The following CELF3 variants were observed in gnomAD, a reference collection of about 807,000 sequenced individuals.
CELF3 encodes the protein CUGBP Elav-like family member 3.
Under a neutral mutation model 59.6 loss-of-function variants are expected in CELF3, and 26 were observed. The observed-to-expected ratio is 0.44, with a 90% CI of 0.32 to 0.61. CELF3 has a LOEUF of 0.61. Ranked by LOEUF, CELF3 falls within the 20% of genes least tolerant of loss-of-function variation. The probability of loss-of-function intolerance (pLI) is 0.06; values close to 1 mark genes in which losing one functional copy is unlikely to be tolerated. For synonymous variants in CELF3, 245 were observed against 250.7 expected (o/e 0.98, Z 0.22); for missense variants, 387 against 627.2 (o/e 0.62, Z 4.09).
Position 151,716,488 on chromosome 1 carries a change from G to C in CELF3, c.-468C>G. ...TGGTTGCCAGCAGCGTCAGTAAGGG[G>C]GGCCCACTCCTGATGTGGGGCAGGT... On this transcript the variant is annotated 5_prime_UTR_variant, in exon 1 of 13. Coordinates refer to ENST00000290583, the MANE Select transcript of CELF3 (RefSeq NM_007185.7). 1 of 311,870 alleles carries C rather than the reference G, an allele frequency of 3.2e-6. No homozygotes were observed. The highest frequency in any genetic ancestry group is 6.4e-6 in the Non-Finnish European group (1 of 156,558). The allele number at this position is 311,870 out of a possible 1,614,324, so 19.3% of individuals were successfully genotyped here.
intron 2 of CELF3, chr1:151,710,860 A>G (rs774305693): frequency 2.0e-5 from 9 of 456,436 alleles, no homozygotes; most frequent in South Asian, 1.4e-4. Flanking sequence ...TTTCTTAACC[A>G]GGGTGGGGAG....
At position 151,706,372 on chromosome 1, in the gene CELF3, G is replaced by A. The variant is rs1672539200; in HGVS notation, c.989-11C>T. On this transcript the variant is annotated splice_polypyrimidine_tract_variant and intron_variant, in intron 9 of 12. Transcript: ENST00000290583. ...CTGCTGGGTAGGCTGCTGGGGTGGGGAGAAGAGAGAGGCTGATGGGGCTTC... is the reference window on the plus strand; with the variant it reads ...CTGCTGGGTAGGCTGCTGGGGTGGGAAGAAGAGAGAGGCTGATGGGGCTTC... 11 of 1,540,572 alleles carry A rather than the reference G, an allele frequency of 7.1e-6. No individual in the cohort carries two copies. Among genetic ancestry groups the A allele is most frequent in the Non-Finnish European group, 9.6e-6 (11 of 1,140,780 alleles).
At chr1:151,706,542 G>T (rs1200035681) in intron 9 of CELF3, 127 bp downstream of exon 9, 2 of 1,231,932 alleles carry the variant, frequency 1.6e-6, no homozygotes, top group Non-Finnish European at 2.3e-6. Flanking sequence ...CCCCACAGTT[G>T]GGCTTGTCAG....
intron 9 of CELF3, 120 bp downstream of exon 9, chr1:151,706,549 T>C: frequency 1.6e-6 from 2 of 1,270,520 alleles, no homozygotes; most frequent in South Asian, 2.6e-5. Context: ...GTTGGGCTTG[T>C]CAGTAAAGCC....
rs1303582617 is a variant in CELF3, at chr1:151,707,813, G to A, written c.609C>T (p.Ala203=). 1 of 1,613,748 alleles carries A rather than the reference G, an allele frequency of 6.2e-7. No individual in the cohort carries two copies. Among genetic ancestry groups the A allele is most frequent in the Non-Finnish European group, 8.5e-7 (1 of 1,179,706 alleles). ...MFSPIALQFG[A]YSAYTQALMQ... Reference sequence around the variant, plus strand: ...TCACGGCCTGGGTGTAGGCGCTGTAGGCTCCAAACTGGAGGGCGATGGGGC... The same window carrying A: ...TCACGGCCTGGGTGTAGGCGCTGTAAGCTCCAAACTGGAGGGCGATGGGGC... The change falls in exon 6 of 13, where the codon GCC becomes GCT. Residue 203 remains alanine, a synonymous_variant. Transcript: ENST00000290583.
rs761309823 is a variant in CELF3 at position 151,707,562 on chromosome 1, G to A, written c.717C>T (p.His239=). Reference sequence around the variant, plus strand: ...GGCCATTGGCATTGATGGCAGCCATGTGCTGCATCTGCACGGCAGCCATGG... The same window carrying A: ...GGCCATTGGCATTGATGGCAGCCATATGCTGCATCTGCACGGCAGCCATGG... The part of the protein sequence containing the change: ...MATMAAVQMQ[H]MAAINANGLI... The change falls in exon 7 of 13, where the codon CAC becomes CAT. Residue 239 remains histidine (H), a synonymous_variant. Coordinates refer to ENST00000290583, the MANE Select transcript of CELF3 (RefSeq NM_007185.7). 1 of 1,610,512 alleles carries A rather than the reference G, an allele frequency of 6.2e-7. No homozygotes were observed. Among genetic ancestry groups the A allele is most frequent in the Non-Finnish European group, 8.5e-7 (1 of 1,179,530 alleles).
rs567755304 is a variant in CELF3, at chr1:151,702,893, C to A, written c.*566G>T. 5.5e-5 allele frequency: 16 copies of A among 288,702 alleles called. No homozygotes were observed. The highest frequency in any genetic ancestry group is 1.4e-3 in the Middle Eastern group (1 of 732). The allele number at this position is 288,702 out of a possible 1,614,324, so 17.9% of individuals were successfully genotyped here. On this transcript the variant is annotated 3_prime_UTR_variant, in exon 13 of 13. Transcript: ENST00000290583. The stretch of plus-strand genomic sequence containing the variant: ...AGAGAGGCAGCCCTCAGGGCTCCCC[C>A]ACACCCTCCTTAGAGGGGGCCCTTG...
Position 151,705,127 on chromosome 1 carries a change from T to C in CELF3, c.1312A>G (p.Ile438Val). The change falls in exon 12 of 13, where the codon ATC becomes GTC. Residue 438 changes from isoleucine (I) to valine (V), a missense_variant. Around this residue, in one of 3 missense-constraint regions of CELF3, gnomAD observed 48 missense variants for 118.8 expected, o/e 0.40. Coordinates refer to ENST00000290583, the MANE Select transcript of CELF3 (RefSeq NM_007185.7). This position sits in a 1 kb window ranked among gnomAD's most constrained non-coding sequence, Gnocchi z 5.1. Reference protein sequence around the residue: ...FDNPASAQAAIQAMNGFQIGM... With the variant: ...FDNPASAQAAVQAMNGFQIGM... ...ATCTGGAAGCCATTCATGGCCTGGA[T>C]GGCAGCCTGGGCACTGGCCGGATTG... 1.9e-6 allele frequency: 3 copies of C among 1,613,960 alleles called. No homozygotes were observed. The highest frequency in any genetic ancestry group is 2.5e-6 in the Non-Finnish European group (3 of 1,179,858).
chr1:151,705,250 C>T lies in CELF3; in HGVS notation c.1271-82G>A, dbSNP rs748158029. 53 of 1,463,946 alleles carry T rather than the reference C, an allele frequency of 3.6e-5. No homozygotes were observed. Among genetic ancestry groups the T allele is most frequent in the Non-Finnish European group, 4.3e-5 (47 of 1,086,020 alleles). The allele number at this position is 1,463,946 out of a possible 1,614,324, so 90.7% of individuals were successfully genotyped here. A position where few individuals can be genotyped will look rare whatever the true frequency, so the allele number is the denominator to read the frequency against. On this transcript the variant is annotated intron_variant, in intron 11 of 12. Transcript: ENST00000290583. This position sits in a 1 kb window ranked among gnomAD's most constrained non-coding sequence, Gnocchi z 5.1. ...GGAGACCTCTGGCACTACCCTGTGT[C>T]TCCCAAGTGTCCCAAATGCCTAGAA...
At position 151,705,811 on chromosome 1, in the gene CELF3, C is replaced by A. The variant is rs1263013647; in HGVS notation, c.1270+11G>T. 6.2e-7 allele frequency: 1 copy of A among 1,613,794 alleles called. No homozygotes were observed. Among genetic ancestry groups the A allele is most frequent in the South Asian group, 1.1e-5 (1 of 90,992 alleles). ...GAGTATGGCAAAAAATGTGCCATAT[C>A]ATATTCTTACCAAAACATTTGCTTT... On this transcript the variant is annotated intron_variant, in intron 11 of 12. Coordinates refer to ENST00000290583, the MANE Select transcript of CELF3 (RefSeq NM_007185.7). This position sits in a 1 kb window ranked among gnomAD's most constrained non-coding sequence, Gnocchi z 5.1.
rs376834008 is a variant in CELF3, at chr1:151,715,866, G to A, written c.145+10C>T. The A allele has an allele frequency of 3.8e-4, 593 of 1,578,632 alleles. 2 individuals are homozygous for A. The highest frequency in any genetic ancestry group is 6.8e-4 in the Middle Eastern group (4 of 5,894). On this transcript the variant is annotated intron_variant, in intron 1 of 12. Coordinates refer to ENST00000290583, the MANE Select transcript of CELF3 (RefSeq NM_007185.7). Reference sequence around the variant, plus strand: ...ACCCCGAAGCCTCTTCAGCCTGCCCGACCCCTCACCCTTGTGCAGCCCGGT... The same window carrying A: ...ACCCCGAAGCCTCTTCAGCCTGCCCAACCCCTCACCCTTGTGCAGCCCGGT...
chr1:151,712,116 C>G (rs1673076804), intron 2 of CELF3: 1 of 152,258 alleles, frequency 6.6e-6, no homozygotes, highest in Non-Finnish European at 1.5e-5. Flanking sequence ...TAGCTCAGCT[C>G]AGACACACCT....
chr1:151,715,716 A>C (rs1673424162), intron 1 of CELF3, 160 bp downstream of exon 1: 1 of 1,563,170 alleles, frequency 6.4e-7, no homozygotes, highest in Non-Finnish European at 8.6e-7. Flanking sequence ...TGATCACTCT[A>C]GCTGAGTTCT....
chr1:151,704,830 A>AGG (rs1672378975), intron 12 of CELF3, among the ~76,000 whole-genome samples: 4 of 151,998 alleles, frequency 2.6e-5, no homozygotes, highest in Admixed American at 2.6e-4. Context: ...TGAGAGAGAG[A>AGG]GAGAGAGAGA....
At chr1:151,706,778 G>T (rs1261148733) in intron 8 of CELF3, 44 bp from the exon 9 acceptor site, 2 of 1,447,544 alleles carry the variant, frequency 1.4e-6, no homozygotes, top group African/African-American at 2.8e-5. Flanking sequence ...CTGGCACACA[G>T]TGGGGGCCCT....
In CELF3 at chr1:151,700,237, A is replaced by G. The variant is rs758625246; in HGVS notation, c.*3222T>C. 1.3e-5 allele frequency among the ~76,000 whole-genome samples: 2 copies of G among 152,232 alleles called. No homozygotes were observed. The highest frequency in any genetic ancestry group is 2.9e-5 in the Non-Finnish European group (2 of 68,048). On this transcript the variant is annotated 3_prime_UTR_variant, in exon 13 of 13. Transcript: ENST00000290583. ...ATGATACACAGCAGTGAAAGGTTTA[A>G]GTGCCATAAGGACTAGAAAAGGAAG...
rs945679568 is a variant in CELF3 at position 151,702,523 on chromosome 1, ACCACCC to A, written c.*930_*935del. 2 of 115,014 alleles carry A rather than the reference ACCACCC, an allele frequency of 1.7e-5. No individual in the cohort carries two copies. Among genetic ancestry groups the A allele is most frequent in the Non-Finnish European group, 3.6e-5 (2 of 55,206 alleles). 7.1% of individuals were successfully genotyped at this position (115,014 alleles called of 1,614,324 possible). A position where few individuals can be genotyped will look rare whatever the true frequency, so the allele number is the denominator to read the frequency against. ...GAAACTGACTCCCCGGTCTCCCCTT[ACCACCC>A]CCACCCCCACCCCATTTTCTTTTCC... On this transcript the variant is annotated 3_prime_UTR_variant, in exon 13 of 13. Coordinates refer to ENST00000290583, the MANE Select transcript of CELF3 (RefSeq NM_007185.7).
chr1:151,708,696 G>A (rs1203711682), intron 5 of CELF3, among the ~76,000 whole-genome samples: 1 of 151,990 alleles, frequency 6.6e-6, no homozygotes, highest in Non-Finnish European at 1.5e-5. Flanking sequence ...AATGAGGGTA[G>A]GGGGATATGG....
intron 2 of CELF3, among the ~76,000 whole-genome samples, chr1:151,713,088 G>A (rs1197838998): frequency 6.6e-6 from 1 of 152,228 alleles, no homozygotes; most frequent in Non-Finnish European, 1.5e-5. Flanking sequence ...CCTCTTGGAG[G>A]ATGGAACCCT....
Sources: gnomAD v4.1 joint callset for allele counts (sites outside exome capture counted in the v4.1 genomes callset) on GRCh38, gnomAD v4.1.1 for gene constraint, gnomAD v4.1.1 regional missense constraint, Gnocchi (gnomAD v3.1) non-coding constraint, MANE v1.5 for transcripts, NCBI Gene and HGNC (gene_info 2026-07-23, HGNC 2026-07-21) for gene names.